Variants in SDR16C5 observed in about 807,000 individuals in gnomAD.
SDR16C5 encodes short chain dehydrogenase/reductase family 16C member 5, also known as epidermal retinol dehydrogenase 2.
Under a neutral mutation model 27.7 loss-of-function variants are expected in SDR16C5, and 20 were observed. The ratio of observed to expected loss-of-function variants is 0.72; its 90% CI spans 0.51 to 1.05. The LOEUF is 1.05. Among genes scored for constraint, SDR16C5 ranks in the 50% least tolerant of loss-of-function variants. The pLI, the probability that SDR16C5 is intolerant of heterozygous loss-of-function variation, is 0.00. For synonymous variants in SDR16C5, 139 were observed against 132.3 expected (o/e 1.05, Z -0.35); for missense variants, 374 against 366.3 (o/e 1.02, Z -0.17).
At chr8:56,302,654 C>T (rs2066788982) in intron 6 of SDR16C5, among the ~76,000 whole-genome samples, 1 of 141,078 alleles carries the variant, frequency 7.1e-6, no homozygotes, top group Admixed American at 7.5e-5. Context: ...GCCTAGGCAA[C>T]AGAGCAAGAG....
intron 6 of SDR16C5, among the ~76,000 whole-genome samples, chr8:56,303,271 C>T (rs1021831691): frequency 7.4e-5 from 11 of 149,194 alleles, no homozygotes; most frequent in Admixed American, 5.4e-4. Context: ...GCCAAGATTG[C>T]GCCATTGCAC....
intron 4 of SDR16C5, among the ~76,000 whole-genome samples, chr8:56,307,488 G>T (rs753230596): frequency 1.3e-5 from 2 of 152,222 alleles, no homozygotes; most frequent in Non-Finnish European, 2.9e-5. Flanking sequence ...AGAAGAAATG[G>T]CATTGAGGTA....
chr8:56,302,117 A>G (rs191318262), intron 6 of SDR16C5, among the ~76,000 whole-genome samples: 16 of 152,326 alleles, frequency 1.1e-4, no homozygotes, highest in Non-Finnish European at 2.4e-4. Flanking sequence ...AAAGCCATAT[A>G]CATGCATGAT....
intron 2 of SDR16C5, among the ~76,000 whole-genome samples, chr8:56,313,515 G>C (rs1246020781): frequency 3.3e-5 from 5 of 152,196 alleles, no homozygotes; most frequent in Non-Finnish European, 7.3e-5. Flanking sequence ...CCTGTACAGT[G>C]TGTTACTATA....
At chr8:56,307,414 T>C (rs1814914064) in intron 4 of SDR16C5, among the ~76,000 whole-genome samples, 1 of 152,252 alleles carries the variant, frequency 6.6e-6, no homozygotes, top group South Asian at 2.1e-4. Flanking sequence ...CAGCTTTTTG[T>C]CTTTAATCAT....
chr8:56,302,668 A>T (rs7828535), intron 6 of SDR16C5, among the ~76,000 whole-genome samples: 5 of 147,162 alleles, frequency 3.4e-5, no homozygotes, highest in African/African-American at 1.3e-4. Flanking sequence ...GCAAGAGTCC[A>T]TCTCAAAAAA....
At chr8:56,307,242 G>C (rs1814909636) in intron 4 of SDR16C5, among the ~76,000 whole-genome samples, 1 of 152,098 alleles carries the variant, frequency 6.6e-6, no homozygotes, top group Non-Finnish European at 1.5e-5. Context: ...GGCCAGCATG[G>C]GTTGTGATTC....
chr8:56,311,838 T>C (rs1815051838), intron 3 of SDR16C5, among the ~76,000 whole-genome samples: 1 of 152,246 alleles, frequency 6.6e-6, no homozygotes, highest in South Asian at 2.1e-4. Context: ...TTTTAAGTTC[T>C]ATGATCCCTT....
chr8:56,313,046 G>T (rs1815089958), intron 2 of SDR16C5, among the ~76,000 whole-genome samples: 1 of 152,144 alleles, frequency 6.6e-6, no homozygotes, highest in South Asian at 2.1e-4. Flanking sequence ...AAAGTGTTGG[G>T]ATTACAGGCA....
intron 1 of SDR16C5, 62 bp from the exon 2 acceptor site, chr8:56,316,423 C>T (rs1486276153): frequency 2.3e-5 from 23 of 997,472 alleles, no homozygotes; most frequent in Non-Finnish European, 3.5e-5. Context: ...GTTGTTTACT[C>T]CACGGAGCTC....
intron 6 of SDR16C5, 30 bp from the exon 7 acceptor site, chr8:56,301,603 T>C: frequency 6.6e-7 from 1 of 1,520,624 alleles, no homozygotes; most frequent in Non-Finnish European, 9.1e-7. Flanking sequence ...AAACTTTCTT[T>C]ATTATCATTC....
chr8:56,301,485 GCTT>G lies in SDR16C5; in HGVS notation c.922_924del (p.Lys308del), dbSNP rs765525811. On this transcript the variant is annotated inframe_deletion, in exon 7 of 7. Transcript: ENST00000303749. The stretch of plus-strand genomic sequence containing the variant: ...CTTAGCCATAGAGTTGGTCTTTAGA[GCTT>G]CTTCTTTTGGTCAACAAAGCCATCC... The G allele has an allele frequency of 2.5e-6, 4 of 1,611,902 alleles. No homozygotes were observed. The highest frequency in any genetic ancestry group is 3.3e-5 in the Admixed American group (2 of 60,018).
chr8:56,313,170 T>C lies in SDR16C5; in HGVS notation c.334-882A>G, dbSNP rs552061084. Among the ~76,000 whole-genome samples, 9 of 152,352 alleles carry C rather than the reference T, an allele frequency of 5.9e-5. No individual in the cohort carries two copies. The South Asian group carries it at 1.0e-3, about 18-fold the overall frequency. On this transcript the variant is annotated intron_variant, in intron 2 of 6. Transcript: ENST00000303749. The stretch of plus-strand genomic sequence containing the variant: ...TACTTTCTGTTTACAGTTAGAGCTG[T>C]TCTTCTACTCAGTGGTTAGTAACTT...
At position 56,300,091 on chromosome 8, in the gene SDR16C5, T is replaced by C. The variant is rs919114311; in HGVS notation, c.*1389A>G. 3 of 152,308 alleles carry C rather than the reference T, an allele frequency of 2.0e-5. No individual in the cohort carries two copies. The highest frequency in any genetic ancestry group is 6.8e-3 in the Middle Eastern group (2 of 294). The allele number at this position is 152,308 out of a possible 1,614,324, so 9.4% of individuals were successfully genotyped here. A position where few individuals can be genotyped will look rare whatever the true frequency, so the allele number is the denominator to read the frequency against. ...AGTAATGATTGACAGTCTCGTTTAA[T>C]GAAATAATGTTTGTCAAATACTTAA... On this transcript the variant is annotated 3_prime_UTR_variant, in exon 7 of 7. Transcript: ENST00000303749.
At chr8:56,301,622 C>G (rs1466900580) in intron 6 of SDR16C5, 49 bp from the exon 7 acceptor site, 1 of 1,333,854 alleles carries the variant, frequency 7.5e-7, no homozygotes, top group Non-Finnish European at 1.1e-6. Flanking sequence ...TCATGAAAGC[C>G]TCTTTACCAC....
At chr8:56,302,887 T>G (rs1814793009) in intron 6 of SDR16C5, among the ~76,000 whole-genome samples, 1 of 151,590 alleles carries the variant, frequency 6.6e-6, no homozygotes, top group African/African-American at 2.4e-5. Context: ...GAGGCTGAGG[T>G]GGGAGGATGG....
intron 3 of SDR16C5, among the ~76,000 whole-genome samples, chr8:56,310,538 C>A (rs1448430941): frequency 1.3e-5 from 2 of 151,598 alleles, no homozygotes; most frequent in Admixed American, 6.6e-5. Context: ...GCCAACATGG[C>A]AAAACCCTGT....
At chr8:56,312,386 T>C (rs1211272730) in intron 2 of SDR16C5, 98 bp from the exon 3 acceptor site, 1 of 1,121,068 alleles carries the variant, frequency 8.9e-7, no homozygotes, top group Non-Finnish European at 1.3e-6. Flanking sequence ...CCTGGTTAAT[T>C]CATACTGAGT....
At chr8:56,309,092 T>C (rs1814959792) in intron 3 of SDR16C5, 65 bp from the exon 4 acceptor site, 2 of 1,253,484 alleles carry the variant, frequency 1.6e-6, no homozygotes, top group Non-Finnish European at 1.1e-6. Flanking sequence ...CAGATATTTA[T>C]ATACTCATTG....
Sources: allele counts gnomAD v4.1 joint callset (sites outside exome capture counted in the v4.1 genomes callset), GRCh38; gene constraint gnomAD v4.1.1; transcripts MANE v1.5; gene names NCBI Gene and HGNC (gene_info 2026-07-23, HGNC 2026-07-21).